Variants in SLC35F4 observed in about 807,000 individuals in gnomAD.
The protein encoded by SLC35F4 is chromosome 14 open reading frame 36.
In SLC35F4, 24 loss-of-function variants were observed where a neutral mutation model predicts 44.2. That is an observed-to-expected ratio of 0.54 (90% CI 0.39 to 0.76). The LOEUF (loss-of-function observed/expected upper bound fraction) is 0.76. Among genes scored for constraint, SLC35F4 ranks in the 30% least tolerant of loss-of-function variants. The probability of loss-of-function intolerance (pLI) is 0.00; values close to 1 mark genes in which losing one functional copy is unlikely to be tolerated. For synonymous variants in SLC35F4, 238 were observed against 223.6 expected, an observed-to-expected ratio of 1.06 and a Z score of -0.57; for missense variants, 562 against 586.1, an observed-to-expected ratio of 0.96 and a Z score of 0.42.
Position 57,700,225 on chromosome 14 carries a change from T to C in SLC35F4, c.104-106101A>G, listed in dbSNP as rs77386049. On this transcript the variant is annotated intron_variant, in intron 1 of 7. Transcript: ENST00000556826. ...TCCTAGCATACAAACCCCTACAGCA[T>C]GTTACCGTACTGAATACTATTTGCA... 1.8e-3 allele frequency among the ~76,000 whole-genome samples: 273 copies of C among 152,336 alleles called. 1 individual carries two copies. The East Asian group carries it at 0.047, about 26-fold the overall frequency.
At chr14:57,720,564 T>C (rs1193846798) in intron 1 of SLC35F4, among the ~76,000 whole-genome samples, 1 of 152,140 alleles carries the variant, frequency 6.6e-6, no homozygotes, top group Admixed American at 6.5e-5. Flanking sequence ...TGGTAGGTTG[T>C]ATGTATCTAG....
At chr14:57,712,549 G>A (rs1468380516) in intron 1 of SLC35F4, among the ~76,000 whole-genome samples, 1 of 152,086 alleles carries the variant, frequency 6.6e-6, no homozygotes. Context: ...TATTTTCTAT[G>A]TGAAGTCTCA....
At chr14:57,873,583 G>A (rs533385503) in intron 1 of SLC35F4, among the ~76,000 whole-genome samples, 7 of 152,176 alleles carry the variant, frequency 4.6e-5, no homozygotes, top group East Asian at 3.9e-4. Flanking sequence ...GATTGTATAC[G>A]GATGTCTACT....
intron 1 of SLC35F4, among the ~76,000 whole-genome samples, chr14:57,707,279 A>T (rs918678145): frequency 4.6e-5 from 7 of 152,174 alleles, no homozygotes; most frequent in African/African-American, 1.4e-4. Context: ...CCGAAATCTC[A>T]TCTTGAATTG....
chr14:57,923,179 T>C (rs1889475750), intron 1 of SLC35F4, among the ~76,000 whole-genome samples: 1 of 152,198 alleles, frequency 6.6e-6, no homozygotes, highest in Admixed American at 6.5e-5. Flanking sequence ...TTTCATATAA[T>C]CAGTTTCAAA....
At position 57,644,676 on chromosome 14, in the gene SLC35F4, T is replaced by C. The variant is rs541305316; in HGVS notation, c.104-50552A>G. On this transcript the variant is annotated intron_variant, in intron 1 of 7. Coordinates refer to ENST00000556826, the MANE Select transcript of SLC35F4 (RefSeq NM_001306087.2). The stretch of plus-strand genomic sequence containing the variant: ...GCCATTGCTTTTGGTGTTTTAGACA[T>C]GAAGTCCTTGCCCATGCCTATGTCT... Among the ~76,000 whole-genome samples the C allele has an allele frequency of 2.7e-3, 404 of 152,360 alleles. 2 individuals are homozygous for C. Among genetic ancestry groups the C allele is most frequent in the African/African-American group, 9.5e-3 (394 of 41,594 alleles).
At chr14:57,787,801 C>T (rs144573282) in intron 1 of SLC35F4, among the ~76,000 whole-genome samples, 1,605 of 152,258 alleles carry the variant, frequency 0.011, 27 homozygotes, top group African/African-American at 0.036. Context: ...CAAAACAGAA[C>T]CTCTTTAAAG....
downstream of SLC35F4, among the ~76,000 whole-genome samples, chr14:57,973,834 A>G (rs1881127802): frequency 6.6e-6 from 1 of 152,096 alleles, no homozygotes; most frequent in Non-Finnish European, 1.5e-5. Flanking sequence ...AGTGGTGAAC[A>G]CAGTTATGAG....
chr14:57,738,748 C>CAT (rs36212594), intron 1 of SLC35F4, among the ~76,000 whole-genome samples: 1,516 of 109,854 alleles, frequency 0.014, 14 homozygotes, highest in Non-Finnish European at 0.016. Flanking sequence ...TTTGAATTTT[C>CAT]ATATATATAT....
intron 4 of SLC35F4, among the ~76,000 whole-genome samples, chr14:57,580,196 A>C (rs2069146430): frequency 6.6e-6 from 1 of 152,222 alleles, no homozygotes; most frequent in East Asian, 1.9e-4. Context: ...ATACAATCAG[A>C]ATTGTCTAAC....
intron 1 of SLC35F4, among the ~76,000 whole-genome samples, chr14:57,969,961 G>A (rs1014595641): frequency 6.6e-6 from 1 of 152,110 alleles, no homozygotes; most frequent in Non-Finnish European, 1.5e-5. Context: ...ATCCCAAGGG[G>A]ATAAAGACAA....
chr14:57,813,165 A>C (rs1285080866), intron 1 of SLC35F4, among the ~76,000 whole-genome samples: 1 of 152,158 alleles, frequency 6.6e-6, no homozygotes, highest in Non-Finnish European at 1.5e-5. Flanking sequence ...CTCACTTCCC[A>C]CCAATTATGC....
intron 1 of SLC35F4, among the ~76,000 whole-genome samples, chr14:57,929,525 T>A (rs930641417): frequency 2.6e-5 from 4 of 152,100 alleles, no homozygotes; most frequent in African/African-American, 9.7e-5. Context: ...AACCTGTAGC[T>A]GTTGAGTAGT....
chr14:57,938,204 T>G (rs1248573803), intron 1 of SLC35F4, among the ~76,000 whole-genome samples: 3 of 151,794 alleles, frequency 2.0e-5, no homozygotes, highest in Admixed American at 1.3e-4. Flanking sequence ...AGAAATCCAG[T>G]AGCCAAACAG....
At chr14:57,609,073 T>C (rs1025759924) in intron 1 of SLC35F4, among the ~76,000 whole-genome samples, 4 of 151,926 alleles carry the variant, frequency 2.6e-5, no homozygotes, top group African/African-American at 9.7e-5. Context: ...AACACAGAAA[T>C]TGTGTTAATT....
chr14:57,851,734 A>G (rs965244704), intron 1 of SLC35F4, among the ~76,000 whole-genome samples: 2 of 152,196 alleles, frequency 1.3e-5, no homozygotes, highest in Non-Finnish European at 2.9e-5. Flanking sequence ...GAGAACCTTA[A>G]TTGAAAAACT....
chr14:57,634,110 C>A (rs903178794), intron 1 of SLC35F4, among the ~76,000 whole-genome samples: 4 of 152,256 alleles, frequency 2.6e-5, no homozygotes, highest in African/African-American at 4.8e-5. Flanking sequence ...CCACAACCAG[C>A]AATGTGCTGA....
chr14:57,643,791 G>C (rs146309088), intron 1 of SLC35F4, among the ~76,000 whole-genome samples: 5 of 151,536 alleles, frequency 3.3e-5, no homozygotes, highest in African/African-American at 1.2e-4. Context: ...CAACAGGCCC[G>C]GGTGTGTGAT....
At chr14:57,671,795 C>A (rs924465517) in intron 1 of SLC35F4, among the ~76,000 whole-genome samples, 4 of 152,024 alleles carry the variant, frequency 2.6e-5, no homozygotes, top group Admixed American at 6.5e-5. Flanking sequence ...GATGGATGAG[C>A]ACGGAAGTAC....
Sources: allele counts gnomAD v4.1 joint callset (sites outside exome capture counted in the v4.1 genomes callset), GRCh38; gene constraint gnomAD v4.1.1; transcripts MANE v1.5; gene names NCBI Gene and HGNC (gene_info 2026-07-23, HGNC 2026-07-21).